CTNNA3: variants seen among roughly 807,000 people sequenced by gnomAD.
The protein encoded by CTNNA3 is catenin alpha-3.
CTNNA3 carries 76 observed loss-of-function variants against 95.7 expected under a neutral mutation model. The observed-to-expected ratio is 0.79, with a 90% CI of 0.66 to 0.96. The LOEUF (loss-of-function observed/expected upper bound fraction) is 0.96, where lower values mean the gene tolerates loss of function less well. Ranked by LOEUF, CTNNA3 falls within the 40% of genes least tolerant of loss-of-function variation. The pLI, the probability that CTNNA3 is intolerant of heterozygous loss-of-function variation, is 0.00. For synonymous variants in CTNNA3, 431 were observed against 374.4 expected (o/e 1.15, Z -1.74); for missense variants, 1,191 against 1,089.8 (o/e 1.09, Z -1.31).
intron 13 of CTNNA3, among the ~76,000 whole-genome samples, chr10:66,119,245 A>G (rs2082468455): frequency 6.6e-6 from 1 of 152,200 alleles, no homozygotes; most frequent in Admixed American, 6.5e-5. Flanking sequence ...AACATTGCCC[A>G]AGTTCTGTGT....
At chr10:67,110,039 T>C (rs1390868529) in intron 7 of CTNNA3, among the ~76,000 whole-genome samples, 1 of 152,168 alleles carries the variant, frequency 6.6e-6, no homozygotes, top group African/African-American at 2.4e-5. Flanking sequence ...ATTCCCAATA[T>C]ATAAAATGTA....
chr10:67,133,700 C>T (rs534341302), intron 7 of CTNNA3, among the ~76,000 whole-genome samples: 18 of 151,916 alleles, frequency 1.2e-4, no homozygotes, highest in African/African-American at 2.2e-4. Flanking sequence ...TAAGAAGGTA[C>T]GTCTTGGAGT....
At chr10:67,070,803 G>A (rs533933447) in intron 7 of CTNNA3, among the ~76,000 whole-genome samples, 1 of 151,816 alleles carries the variant, frequency 6.6e-6, no homozygotes, top group Non-Finnish European at 1.5e-5. Flanking sequence ...GGGTTACAAA[G>A]ATTTTTCTGC....
chr10:66,947,013 C>T (rs2132704684), intron 7 of CTNNA3, among the ~76,000 whole-genome samples: 1 of 152,216 alleles, frequency 6.6e-6, no homozygotes. Flanking sequence ...CTGAGGTAAT[C>T]ATCTTTTTAA....
At position 65,966,741 on chromosome 10, in the gene CTNNA3, T is replaced by A; in HGVS notation, c.2271A>T (p.Pro757=). Residue 757 remains proline, a synonymous_variant, in exon 17 of 18, where the codon CCA becomes CCT. Coordinates refer to ENST00000433211, the MANE Select transcript of CTNNA3 (RefSeq NM_013266.4). ...VLARQIANQC[P]DPSCKQDLLA... ...ACAAGTCCTGTTTACAAGATGGATC[T>A]GGGCACTAAATATGAATCAAAGATA... 1 of 1,608,492 alleles carries A rather than the reference T, an allele frequency of 6.2e-7. No individual in the cohort carries two copies. Among genetic ancestry groups the A allele is most frequent in the Non-Finnish European group, 8.5e-7 (1 of 1,175,916 alleles).
intron 7 of CTNNA3, among the ~76,000 whole-genome samples, chr10:67,168,234 G>T (rs775410126): frequency 7.9e-5 from 12 of 152,106 alleles, no homozygotes; most frequent in Non-Finnish European, 1.3e-4. Context: ...TTCCTACAGA[G>T]ACTATTCCTT....
At chr10:66,223,844 C>T (rs554239463) in intron 13 of CTNNA3, among the ~76,000 whole-genome samples, 18 of 150,632 alleles carry the variant, frequency 1.2e-4, no homozygotes, top group Non-Finnish European at 2.7e-4. Context: ...AGTTACGTAG[C>T]TTACCCTTCA....
At chr10:66,552,429 G>A (rs1035784357) in intron 10 of CTNNA3, among the ~76,000 whole-genome samples, 2 of 152,080 alleles carry the variant, frequency 1.3e-5, no homozygotes, top group African/African-American at 4.8e-5. Context: ...CACACAACAG[G>A]AAAATCAACC....
At chr10:66,797,716 G>C (rs1175069924) in intron 7 of CTNNA3, among the ~76,000 whole-genome samples, 1 of 151,896 alleles carries the variant, frequency 6.6e-6, no homozygotes, top group South Asian at 2.1e-4. Flanking sequence ...TAAAGTGTCT[G>C]TGATTGTCCT....
chr10:67,652,154 A>C (rs1839895144), intron 1 of CTNNA3, among the ~76,000 whole-genome samples: 1 of 152,190 alleles, frequency 6.6e-6, no homozygotes, highest in Non-Finnish European at 1.5e-5. Flanking sequence ...AGAACACATC[A>C]TGTCTCTTCT....
chr10:66,665,795 C>G (rs1488971142), intron 9 of CTNNA3, among the ~76,000 whole-genome samples: 6 of 152,080 alleles, frequency 3.9e-5, no homozygotes, highest in African/African-American at 7.2e-5. Context: ...CATAAAACAC[C>G]TCTTTTGTTT....
chr10:67,703,426 C>T (rs1264218965), intron 1 of CTNNA3, among the ~76,000 whole-genome samples: 1 of 152,146 alleles, frequency 6.6e-6, no homozygotes, highest in East Asian at 1.9e-4. Flanking sequence ...GCTTATCCAC[C>T]ATGATCAAGT....
intron 10 of CTNNA3, among the ~76,000 whole-genome samples, chr10:66,567,696 A>T (rs979285941): frequency 2.6e-5 from 4 of 152,154 alleles, no homozygotes; most frequent in Admixed American, 2.6e-4. Context: ...CTTCACTAAA[A>T]ACAAATTTAT....
chr10:66,275,929 A>T (rs927752045), intron 13 of CTNNA3, among the ~76,000 whole-genome samples: 6 of 152,162 alleles, frequency 3.9e-5, no homozygotes, highest in Non-Finnish European at 8.8e-5. Context: ...AAAAGCCATA[A>T]ATCTGTTCAT....
intron 5 of CTNNA3, among the ~76,000 whole-genome samples, chr10:67,323,730 A>T (rs542977417): frequency 2.2e-4 from 33 of 152,232 alleles, no homozygotes; most frequent in African/African-American, 7.5e-4. Context: ...ATTTTAAAAT[A>T]GTTCTGTGAA....
intron 14 of CTNNA3, among the ~76,000 whole-genome samples, chr10:66,093,890 A>T (rs1428430349): frequency 6.6e-6 from 1 of 152,116 alleles, no homozygotes; most frequent in East Asian, 1.9e-4. Context: ...ATATGACGTG[A>T]TTCACATATG....
chr10:67,708,884 T>C (rs2133609503), intron 1 of CTNNA3, among the ~76,000 whole-genome samples: 1 of 152,180 alleles, frequency 6.6e-6, no homozygotes, highest in East Asian at 1.9e-4. Context: ...CAAATATTTT[T>C]GAATGTTCCT....
At chr10:65,972,323 A>C (rs904667195) in intron 16 of CTNNA3, among the ~76,000 whole-genome samples, 1 of 152,086 alleles carries the variant, frequency 6.6e-6, no homozygotes, top group African/African-American at 2.4e-5. Flanking sequence ...CATAGTACTG[A>C]AAGTCCCAGC....
At chr10:67,643,272 G>A (rs1839599503) in intron 2 of CTNNA3, among the ~76,000 whole-genome samples, 1 of 150,750 alleles carries the variant, frequency 6.6e-6, no homozygotes, top group Non-Finnish European at 1.5e-5. Context: ...GCTGAAGGAT[G>A]AGAACACATG....
Sources: allele counts gnomAD v4.1 joint callset (sites outside exome capture counted in the v4.1 genomes callset), GRCh38; gene constraint gnomAD v4.1.1; transcripts MANE v1.5; gene names NCBI Gene and HGNC (gene_info 2026-07-23, HGNC 2026-07-21).